The following HMG20A variants were observed in gnomAD, a reference collection of about 807,000 sequenced individuals.
HMG20A encodes high mobility group 20A.
In HMG20A, 17 loss-of-function variants were observed where a neutral mutation model predicts 43.9. That is an observed-to-expected ratio of 0.39 (90% CI 0.27 to 0.58). The LOEUF (loss-of-function observed/expected upper bound fraction) is 0.58. Among genes scored for constraint, HMG20A ranks in the 20% least tolerant of loss-of-function variants. The pLI, the probability that HMG20A is intolerant of heterozygous loss-of-function variation, is 0.59. For synonymous variants in HMG20A, 132 were observed against 147.5 expected, an observed-to-expected ratio of 0.89 and a Z score of 0.76; for missense variants, 341 against 438.2, an observed-to-expected ratio of 0.78 and a Z score of 1.98.
chr15:77,443,759 G>A (rs2073642463), intron 1 of HMG20A, among the ~76,000 whole-genome samples: 1 of 151,994 alleles, frequency 6.6e-6, no homozygotes, highest in East Asian at 1.9e-4. Context: ...AGGCTGGAGT[G>A]CAGTGGCACG....
chr15:77,507,865 G>T, the HMG20A span, among the ~76,000 whole-genome samples: 1 of 149,984 alleles, frequency 6.7e-6, no homozygotes, highest in East Asian at 2.0e-4. Flanking sequence ...CATGAGGATG[G>T]AAAGCATGTT....
At chr15:77,503,861 T>C in the HMG20A span, among the ~76,000 whole-genome samples, 1,292 of 152,214 alleles carry the variant, frequency 8.5e-3, 19 homozygotes, top group African/African-American at 0.03. Flanking sequence ...GCTCCCGGTC[T>C]CTGGATCCCA....
At chr15:77,449,954 C>A (rs2073717726) in intron 1 of HMG20A, among the ~76,000 whole-genome samples, 1 of 145,520 alleles carries the variant, frequency 6.9e-6, no homozygotes, top group South Asian at 2.1e-4. Context: ...ACCTATTCAT[C>A]CTACTCCCCT....
chr15:77,509,645 C>T, the HMG20A span, among the ~76,000 whole-genome samples: 1 of 147,360 alleles, frequency 6.8e-6, no homozygotes, highest in Non-Finnish European at 1.5e-5. Context: ...GTGGCTGATG[C>T]CTGTAATCCT....
chr15:77,516,703 G>C, the HMG20A span, among the ~76,000 whole-genome samples: 1 of 152,154 alleles, frequency 6.6e-6, no homozygotes, highest in African/African-American at 2.4e-5. Context: ...TTTGCGAAGA[G>C]GGGAAGGCTA....
chr15:77,436,253 G>A (rs1453045001), intron 1 of HMG20A, among the ~76,000 whole-genome samples: 11 of 151,842 alleles, frequency 7.2e-5, no homozygotes, highest in Admixed American at 5.3e-4. Flanking sequence ...CCCCTTACCC[G>A]TTCAACACAC....
chr15:77,440,179 A>G (rs2073595801), intron 1 of HMG20A, among the ~76,000 whole-genome samples: 1 of 152,100 alleles, frequency 6.6e-6, no homozygotes, highest in African/African-American at 2.4e-5. Context: ...AGACATTCTT[A>G]ACTATAGTGA....
chr15:77,423,369 C>T (rs2073391240), intron 1 of HMG20A, among the ~76,000 whole-genome samples: 1 of 151,972 alleles, frequency 6.6e-6, no homozygotes, highest in African/African-American at 2.4e-5. Flanking sequence ...GCTTGCTGTC[C>T]TCCAAAGGTT....
chr15:77,471,518 T>C (rs530783007), intron 5 of HMG20A, among the ~76,000 whole-genome samples: 3 of 152,328 alleles, frequency 2.0e-5, no homozygotes, highest in South Asian at 2.1e-4. Context: ...TTGGTTTGTG[T>C]CTTCTGTCCA....
intron 2 of HMG20A, among the ~76,000 whole-genome samples, chr15:77,462,771 T>A (rs1461394013): frequency 4.7e-5 from 7 of 148,420 alleles, no homozygotes; most frequent in Admixed American, 2.7e-4. Context: ...TTTTTCTTTT[T>A]CTTTTTTTTT....
the HMG20A span, among the ~76,000 whole-genome samples, chr15:77,507,275 TG>T: frequency 1.3e-5 from 2 of 152,184 alleles, no homozygotes; most frequent in African/African-American, 4.8e-5. Context: ...TGGAGGGCTC[TG>T]AGTAATACAG....
chr15:77,453,749 A>G (rs1296677940), intron 1 of HMG20A, among the ~76,000 whole-genome samples: 1 of 152,234 alleles, frequency 6.6e-6, no homozygotes, highest in Non-Finnish European at 1.5e-5. Context: ...CATAAAGCAG[A>G]ATGAAATTCT....
At chr15:77,474,337 TC>T (rs2072836598) in intron 6 of HMG20A, among the ~76,000 whole-genome samples, 1 of 152,190 alleles carries the variant, frequency 6.6e-6, no homozygotes, top group African/African-American at 2.4e-5. Context: ...ACACTGAGAC[TC>T]AGTGATCCTC....
chr15:77,446,267 T>C (rs537703808), intron 1 of HMG20A, among the ~76,000 whole-genome samples: 4 of 152,326 alleles, frequency 2.6e-5, no homozygotes, highest in Admixed American at 2.0e-4. Context: ...AATACCGTTA[T>C]ACACATCAGC....
At chr15:77,463,891 C>T (rs554705895) in intron 2 of HMG20A, among the ~76,000 whole-genome samples, 1 of 152,302 alleles carries the variant, frequency 6.6e-6, no homozygotes, top group East Asian at 1.9e-4. Flanking sequence ...AGTGTTTTCC[C>T]TTTACATTGG....
chr15:77,464,905 A>G (rs1412497063), intron 3 of HMG20A: 3 of 146,974 alleles, frequency 2.0e-5, no homozygotes, highest in Non-Finnish European at 3.0e-5. Context: ...GTTTTAAGGC[A>G]CTCTTTTTTT....
Position 77,478,279 on chromosome 15 carries a change from G to A in HMG20A, c.692-16G>A. 2 of 1,612,462 alleles carry A rather than the reference G, an allele frequency of 1.2e-6. No homozygotes were observed. The highest frequency in any genetic ancestry group is 1.7e-5 in the Admixed American group (1 of 60,020). On this transcript the variant is annotated splice_polypyrimidine_tract_variant and intron_variant, in intron 7 of 9. Transcript: ENST00000336216. ...CTTCTAGTGCTGCATGTGTTCTGTG[G>A]GATGTATGTCCTCAGCTCGGGAAGC...
intron 7 of HMG20A, 64 bp from the exon 8 acceptor site, chr15:77,478,231 T>A: frequency 6.6e-7 from 1 of 1,526,386 alleles, no homozygotes; most frequent in Non-Finnish European, 9.1e-7. Flanking sequence ...CCTGTAAGAG[T>A]CATTGGGACT....
At chr15:77,476,847 CT>C (rs1007481506) in intron 6 of HMG20A, among the ~76,000 whole-genome samples, 2 of 151,986 alleles carry the variant, frequency 1.3e-5, no homozygotes, top group African/African-American at 4.8e-5. Flanking sequence ...TCTTGTGAGG[CT>C]TTTTTATTTT....
Sources: gnomAD v4.1 joint callset for allele counts (sites outside exome capture counted in the v4.1 genomes callset) on GRCh38, gnomAD v4.1.1 for gene constraint, MANE v1.5 for transcripts, NCBI Gene and HGNC (gene_info 2026-07-23, HGNC 2026-07-21) for gene names.